The following CUX1 variants were observed in gnomAD, a reference collection of about 807,000 sequenced individuals.
CUX1 encodes the protein protein CASP.
CUX1 carries 31 observed loss-of-function variants against 158.8 expected under a neutral mutation model. That is an observed-to-expected ratio of 0.20 (90% CI 0.15 to 0.26). CUX1 has a LOEUF of 0.26. CUX1 is among the 10% of genes least tolerant of loss of function. The probability of loss-of-function intolerance (pLI) is 1.00; values close to 1 mark genes in which losing one functional copy is unlikely to be tolerated. For missense variants in CUX1, 1,589 were observed against 2,014.6 expected, an observed-to-expected ratio of 0.79 and a Z score of 4.04; for synonymous variants, 879 against 862.1, an observed-to-expected ratio of 1.02 and a Z score of -0.34.
At chr7:101,817,329 C>A, upstream of CUX1, 1 of 984,874 alleles carries the variant, frequency 1.0e-6, no homozygotes, top group Non-Finnish European at 1.2e-6. The surrounding 1 kb of genome is among the most constrained non-coding windows in gnomAD (Gnocchi z 4.1). Flanking sequence ...GCCCTCTCTG[C>A]AGGGCCCGCC....
chr7:102,182,729 A>G (rs1288199397), intron 11 of CUX1, among the ~76,000 whole-genome samples: 2 of 152,212 alleles, frequency 1.3e-5, no homozygotes, highest in Non-Finnish European at 2.9e-5. Context: ...CTGCTTTTTG[A>G]TAACTCTCTA....
Position 102,028,149 on chromosome 7 carries a change from A to T in CUX1, c.189+4A>T. On this transcript the variant is annotated splice_donor_region_variant and intron_variant, in intron 3 of 23. Transcript: ENST00000292535. The stretch of plus-strand genomic sequence containing the variant: ...GCTGAAGAGTTTCCAAGGAGAGGTA[A>T]GCTTTTCTATTCATTTTCTATCCTG... The T allele has an allele frequency of 6.2e-7, 1 of 1,613,126 alleles. No homozygotes were observed. The highest frequency in any genetic ancestry group is 8.5e-7 in the Non-Finnish European group (1 of 1,179,972).
chr7:101,949,519 TTTTTTCTTTTTC>T (rs1808791814), intron 2 of CUX1, among the ~76,000 whole-genome samples: 1 of 148,340 alleles, frequency 6.7e-6, no homozygotes, highest in African/African-American at 2.5e-5. Flanking sequence ...TGCTTTTTTT[TTTTTTCTTTTTC>T]TTCCTTTTTT....
intron 16 of CUX1, 104 bp from the exon 17 acceptor site, chr7:102,199,967 A>G: frequency 4.4e-6 from 4 of 906,062 alleles, no homozygotes; most frequent in Non-Finnish European, 6.6e-6. Context: ...TCCTTGTGTC[A>G]CCAGCCCCCA....
intron 1 of CUX1, among the ~76,000 whole-genome samples, chr7:101,874,798 C>T (rs1798949433): frequency 1.3e-5 from 2 of 152,156 alleles, no homozygotes; most frequent in South Asian, 4.1e-4. Context: ...GTAGAGGGTA[C>T]CACGTGGTTG....
intron 2 of CUX1, among the ~76,000 whole-genome samples, chr7:101,981,950 G>C (rs114125304): frequency 6.6e-6 from 1 of 152,124 alleles, no homozygotes; most frequent in African/African-American, 2.4e-5. Flanking sequence ...GGGAGGTTTC[G>C]CTCAGCCACA....
At chr7:101,985,312 G>T (rs546805618) in intron 2 of CUX1, among the ~76,000 whole-genome samples, 58 of 152,274 alleles carry the variant, frequency 3.8e-4, no homozygotes, top group Non-Finnish European at 7.6e-4. Context: ...GGAGGAAGGG[G>T]TTTCCTGCCC....
intron 2 of CUX1, among the ~76,000 whole-genome samples, chr7:102,011,076 G>A (rs1048045485): frequency 6.6e-6 from 1 of 151,932 alleles, no homozygotes; most frequent in Non-Finnish European, 1.5e-5. Flanking sequence ...TCATGCCATT[G>A]CACTCCAGCC....
chr7:102,046,298 T>C (rs1450728115), intron 3 of CUX1, among the ~76,000 whole-genome samples: 1 of 152,184 alleles, frequency 6.6e-6, no homozygotes, highest in African/African-American at 2.4e-5. Context: ...AGGGATGCGA[T>C]TGCAGCTCAC....
In CUX1 at chr7:102,250,052, GAAA is replaced by G. The variant is rs1171896359; in HGVS notation, c.*1017_*1019del. 17 of 918,456 alleles carry G rather than the reference GAAA, an allele frequency of 1.9e-5. No individual in the cohort carries two copies. The highest frequency in any genetic ancestry group is 7.2e-5 in the African/African-American group (3 of 41,494). The allele number at this position is 918,456 out of a possible 1,614,324, so 56.9% of individuals were successfully genotyped here. Reference sequence around the variant, plus strand: ...CTAGGCCAAATCAGGACAAAAAAAAGAAAAAAAAAGAAAAAAAAAAAAGAAAAG... The same window carrying G: ...CTAGGCCAAATCAGGACAAAAAAAAGAAAAAAGAAAAAAAAAAAAGAAAAG... On this transcript the variant is annotated 3_prime_UTR_variant, in exon 24 of 24. Transcript: ENST00000292535.
At chr7:102,219,809 A>G (rs1797633251) in intron 20 of CUX1, among the ~76,000 whole-genome samples, 1 of 152,228 alleles carries the variant, frequency 6.6e-6, no homozygotes, top group Admixed American at 6.5e-5. Flanking sequence ...TCAAGATGCC[A>G]GTCTTACTCA....
At chr7:102,282,715 C>A (rs1214869758) in exon 22 of CUX1, 32 of 1,613,280 alleles carry the variant, frequency 2.0e-5, no homozygotes, top group Non-Finnish European at 2.7e-5. Flanking sequence ...TGGCCAGGTG[C>A]TCTACAAGCT....
At chr7:102,170,675 T>A (rs1791610886) in intron 10 of CUX1, 125 bp downstream of exon 10, 3 of 646,022 alleles carry the variant, frequency 4.6e-6, no homozygotes, top group Non-Finnish European at 7.9e-6. Context: ...TAGTACTGCT[T>A]TCTCGGTGGG....
chr7:102,046,964 C>T (rs1228204334), intron 3 of CUX1, among the ~76,000 whole-genome samples: 1 of 152,180 alleles, frequency 6.6e-6, no homozygotes, highest in African/African-American at 2.4e-5. Flanking sequence ...TCTTGTTGCT[C>T]ATCTAGTGTT....
exon 23 of CUX1, chr7:102,283,217 G>T (rs1792246047): frequency 3.9e-6 from 3 of 774,008 alleles, no homozygotes; most frequent in Non-Finnish European, 4.5e-6. Context: ...TCCAGCAGCT[G>T]CCAGAGGCCC....
At chr7:102,078,787 A>T (rs1827052625) in intron 4 of CUX1, among the ~76,000 whole-genome samples, 1 of 152,172 alleles carries the variant, frequency 6.6e-6, no homozygotes, top group African/African-American at 2.4e-5. Flanking sequence ...AGCTGGCTGG[A>T]AAGAGTGCAT....
At chr7:101,964,107 T>C (rs1810843614) in intron 2 of CUX1, among the ~76,000 whole-genome samples, 1 of 152,128 alleles carries the variant, frequency 6.6e-6, no homozygotes, top group South Asian at 2.1e-4. Context: ...ATCCCAGTGC[T>C]TTGGGAGGCC....
intron 1 of CUX1, among the ~76,000 whole-genome samples, chr7:101,901,976 G>GGAA (rs1340880154): frequency 6.6e-6 from 1 of 152,222 alleles, no homozygotes; most frequent in African/African-American, 2.4e-5. Flanking sequence ...TACTTTAGGA[G>GGAA]GAAAACATTT....
intron 11 of CUX1, among the ~76,000 whole-genome samples, chr7:102,179,432 G>A (rs536835282): frequency 1.0e-3 from 156 of 152,184 alleles, no homozygotes; most frequent in African/African-American, 3.5e-3. Context: ...CAGCACTTCC[G>A]GTGCATGAGC....
Sources: allele counts gnomAD v4.1 joint callset (sites outside exome capture counted in the v4.1 genomes callset), GRCh38; gene constraint gnomAD v4.1.1; non-coding constraint Gnocchi (gnomAD v3.1); transcripts MANE v1.5; gene names NCBI Gene and HGNC (gene_info 2026-07-23, HGNC 2026-07-21).